Variants in RSRP1 observed in about 807,000 individuals in gnomAD.
The protein encoded by RSRP1 is arginine and serine rich protein 1.
In RSRP1, 37 loss-of-function variants were observed where a neutral mutation model predicts 33.0. That is an observed-to-expected ratio of 1.12 (90% CI 0.86 to 1.48). RSRP1 has a LOEUF of 1.48. RSRP1 is among the 40% of genes most tolerant of loss of function. The probability of loss-of-function intolerance (pLI) is 0.00; values close to 1 mark genes in which losing one functional copy is unlikely to be tolerated. For missense variants in RSRP1, 402 were observed against 385.3 expected (o/e 1.04, Z -0.36); for synonymous variants, 167 against 158.7 (o/e 1.05, Z -0.40).
chr1:25,248,189 GATA>G (rs1298028469), upstream of RSRP1: 1 of 152,044 alleles, frequency 6.6e-6, no homozygotes, highest in Non-Finnish European at 1.5e-5. Context: ...TTAATCTGGG[GATA>G]ATAATGAAGT....
chr1:25,249,999 G>A (rs570211103), upstream of RSRP1, among the ~76,000 whole-genome samples: 28 of 152,256 alleles, frequency 1.8e-4, no homozygotes, highest in Middle Eastern at 3.4e-3. Context: ...TTTATTAGCC[G>A]GCAACCGGGA....
In RSRP1 at chr1:25,310,022, C is replaced by G. The variant is rs1232009928; in HGVS notation, c.-67+27956G>C. Reference sequence around the variant, plus strand: ...CCAACTTATATAGTATAAGCTATATCCAGAAAAGTGCAAATATCATACAAG... The same window carrying G: ...CCAACTTATATAGTATAAGCTATATGCAGAAAAGTGCAAATATCATACAAG... On this transcript the variant is annotated intron_variant, in intron 1 of 1. Transcript: ENST00000561867. Among the ~76,000 whole-genome samples, 5 of 132,466 alleles carry G rather than the reference C, an allele frequency of 3.8e-5. 1 individual carries two copies. Among genetic ancestry groups the G allele is most frequent in the Non-Finnish European group, 9.0e-5 (5 of 55,628 alleles). 86.9% of individuals were successfully genotyped at this position (132,466 alleles called of 152,430 possible). A position where few individuals can be genotyped will look rare whatever the true frequency, so the allele number is the denominator to read the frequency against.
In RSRP1 at chr1:25,331,261, C is replaced by T. The variant is rs1422273138; in HGVS notation, c.-67+6717G>A. On this transcript the variant is annotated intron_variant, in intron 1 of 1. Transcript: ENST00000561867. ...GATTACAGGCGTGAGCCACCGCACC[C>T]GGCCTCTTCCTCTTCTTATAAGGAC... 9.9e-5 allele frequency among the ~76,000 whole-genome samples: 13 copies of T among 131,150 alleles called. 3 individuals are homozygous for T. Among genetic ancestry groups the T allele is most frequent in the African/African-American group, 2.9e-4 (11 of 38,568 alleles). The allele number at this position is 131,150 out of a possible 152,430, so 86.0% of individuals were successfully genotyped here.
intron 1 of RSRP1, among the ~76,000 whole-genome samples, chr1:25,289,078 C>T (rs1456314315): frequency 7.5e-6 from 1 of 132,504 alleles, no homozygotes; most frequent in Non-Finnish European, 1.8e-5. Flanking sequence ...TGGATTTGAA[C>T]CTCACATTTG....
At position 25,302,669 on chromosome 1, in the gene RSRP1, G is replaced by A. The variant is rs1012496937; in HGVS notation, c.-67+35309C>T. Among the ~76,000 whole-genome samples, 3 of 129,908 alleles carry A rather than the reference G, an allele frequency of 2.3e-5. 1 individual carries two copies. The highest frequency in any genetic ancestry group is 3.6e-5 in the Non-Finnish European group (2 of 55,088). The allele number at this position is 129,908 out of a possible 152,430, so 85.2% of individuals were successfully genotyped here. A position where few individuals can be genotyped will look rare whatever the true frequency, so the allele number is the denominator to read the frequency against. On this transcript the variant is annotated intron_variant, in intron 1 of 1. Transcript: ENST00000561867. The stretch of plus-strand genomic sequence containing the variant: ...ACAAGGCCCAGCTTATTGAAACTGG[G>A]CCCAGTCACACAGGGTGGCACAGGC...
chr1:25,272,700 G>C lies in RSRP1; in HGVS notation c.-66-25671C>G. The C allele has an allele frequency of 2.1e-6, 3 of 1,397,626 alleles. 1 individual carries two copies. Among genetic ancestry groups the C allele is most frequent in the East Asian group, 2.2e-5 (1 of 44,680 alleles). The allele number at this position is 1,397,626 out of a possible 1,614,324, so 86.6% of individuals were successfully genotyped here. A position where few individuals can be genotyped will look rare whatever the true frequency, so the allele number is the denominator to read the frequency against. On this transcript the variant is annotated intron_variant, in intron 1 of 1. Coordinates refer to the RSRP1 transcript ENST00000561867. ...GGCTCGTGGCATCCTATCAAGGTGA[G>C]AGTTCATTGGAAAAGTGGTCACAGG...
At chr1:25,309,362 G>A (rs1644020758) in intron 1 of RSRP1, among the ~76,000 whole-genome samples, 1 of 131,122 alleles carries the variant, frequency 7.6e-6, no homozygotes, top group African/African-American at 2.6e-5. Flanking sequence ...GAGAATCTCT[G>A]CACCCTTCTA....
At chr1:25,269,014 A>G (rs1640414593) in intron 1 of RSRP1, among the ~76,000 whole-genome samples, 1 of 129,916 alleles carries the variant, frequency 7.7e-6, no homozygotes, top group African/African-American at 2.6e-5. Context: ...TGGAGGATCC[A>G]GGGAGGTGAG....
Position 25,266,723 on chromosome 1 carries a change from A to T in RSRP1, c.-66-19694T>A, listed in dbSNP as rs1640322761. ...ACAATTGACCCACATTTTTGACTGA[A>T]GTGAAAGGGGGTTCTGCTCCGCGAC... On this transcript the variant is annotated intron_variant, in intron 1 of 1. Transcript: ENST00000561867. 1.3e-5 allele frequency: 2 copies of T among 156,698 alleles called. 1 individual carries two copies. The highest frequency in any genetic ancestry group is 2.7e-4 in the South Asian group (2 of 7,322). The allele number at this position is 156,698 out of a possible 1,614,324, so 9.7% of individuals were successfully genotyped here. A position where few individuals can be genotyped will look rare whatever the true frequency, so the allele number is the denominator to read the frequency against.
chr1:25,313,490 C>T lies in RSRP1; in HGVS notation c.-67+24488G>A, dbSNP rs1292106917. On this transcript the variant is annotated intron_variant, in intron 1 of 1. Transcript: ENST00000561867. Reference sequence around the variant, plus strand: ...TCCAGGTTGTTAAGCATTGCTGTACCCTTTTTCCACTGGGATATAGTGTTC... The same window carrying T: ...TCCAGGTTGTTAAGCATTGCTGTACTCTTTTTCCACTGGGATATAGTGTTC... 3.0e-4 allele frequency among the ~76,000 whole-genome samples: 40 copies of T among 132,032 alleles called. 9 individuals carry two copies. Among genetic ancestry groups the T allele is most frequent in the Non-Finnish European group, 5.6e-4 (31 of 55,666 alleles). The allele number at this position is 132,032 out of a possible 152,430, so 86.6% of individuals were successfully genotyped here. A position where few individuals can be genotyped will look rare whatever the true frequency, so the allele number is the denominator to read the frequency against.
At chr1:25,260,157 T>TC (rs1301613114) in intron 1 of RSRP1, among the ~76,000 whole-genome samples, 2 of 152,226 alleles carry the variant, frequency 1.3e-5, no homozygotes, top group African/African-American at 4.8e-5. Context: ...CACCATTTAG[T>TC]CACTGAATAT....
upstream of RSRP1, among the ~76,000 whole-genome samples, chr1:25,248,478 T>C (rs1412009171): frequency 6.6e-6 from 1 of 151,838 alleles, no homozygotes; most frequent in East Asian, 1.9e-4. Flanking sequence ...ACCATGCTAA[T>C]TTTTGCACTT....
intron 3 of RSRP1, chr1:25,244,564 T>C (rs1266515026): frequency 7.8e-7 from 1 of 1,287,054 alleles, no homozygotes. Flanking sequence ...TGTGGGAACA[T>C]AATGCTGCAA....
intron 1 of RSRP1, among the ~76,000 whole-genome samples, chr1:25,321,674 T>TAAAATA (rs372082737): frequency 1.1e-5 from 1 of 91,228 alleles, no homozygotes; most frequent in Admixed American, 1.2e-4. Context: ...TGTCTCAAAA[T>TAAAATA]AAATAAAATA....
chr1:25,252,913 A>G (rs1282158144), intron 1 of RSRP1, among the ~76,000 whole-genome samples: 1 of 152,162 alleles, frequency 6.6e-6, no homozygotes, highest in Non-Finnish European at 1.5e-5. Flanking sequence ...GAACACGGAA[A>G]GGTCAGCCTA....
At chr1:25,333,135 G>C (rs1249902591) in intron 1 of RSRP1, among the ~76,000 whole-genome samples, 1 of 132,186 alleles carries the variant, frequency 7.6e-6, no homozygotes, top group African/African-American at 2.6e-5. Flanking sequence ...AGACCAATTT[G>C]CCTTTCTTCC....
In RSRP1 at chr1:25,311,110, G is replaced by A. The variant is rs530066540; in HGVS notation, c.-67+26868C>T. On this transcript the variant is annotated intron_variant, in intron 1 of 1. Coordinates refer to the RSRP1 transcript ENST00000561867. ...GGTTACTGAAGTCGTTGAGATCAGA[G>A]TGCTGATAGAAATATGGCTGGTAAA... Among the ~76,000 whole-genome samples the A allele has an allele frequency of 7.3e-4, 97 of 132,918 alleles. 16 individuals are homozygous for A. Among genetic ancestry groups the A allele is most frequent in the African/African-American group, 2.1e-3 (82 of 39,088 alleles). The allele number at this position is 132,918 out of a possible 152,430, so 87.2% of individuals were successfully genotyped here.
At chr1:25,284,663 A>G (rs368425551) in intron 1 of RSRP1, 27 of 1,388,364 alleles carry the variant, frequency 1.9e-5, no homozygotes, top group South Asian at 4.7e-5. Context: ...GTGGCCTTCA[A>G]CCTCTTCATG....
In RSRP1 at chr1:25,245,136, CCT is replaced by C. The variant is rs1557483854; in HGVS notation, c.672+12_672+13del. 6.2e-7 allele frequency: 1 copy of C among 1,614,162 alleles called. No individual in the cohort carries two copies. Among genetic ancestry groups the C allele is most frequent in the Admixed American group, 1.7e-5 (1 of 60,028 alleles). ...TTTCTGAAAGTTTTGTTCCGACAAA[CCT>C]AGAATACTTACTTCAGGCTTTGCAC... On this transcript the variant is annotated intron_variant, in intron 3 of 4. Transcript: ENST00000243189.
Sources: allele counts gnomAD v4.1 joint callset (sites outside exome capture counted in the v4.1 genomes callset), GRCh38; gene constraint gnomAD v4.1.1; transcripts MANE v1.5; gene names NCBI Gene and HGNC (gene_info 2026-07-23, HGNC 2026-07-21).